Variants in CFAP74 observed in about 807,000 individuals in gnomAD.
CFAP74 encodes cilia- and flagella-associated protein 74.
Under a neutral mutation model 188.9 loss-of-function variants are expected in CFAP74, and 124 were observed. That is an observed-to-expected ratio of 0.66 (90% CI 0.57 to 0.76). CFAP74 has a LOEUF of 0.76. Among genes scored for constraint, CFAP74 ranks in the 30% least tolerant of loss-of-function variants. CFAP74 has a pLI of 0.00. For synonymous variants in CFAP74, 956 were observed against 916.7 expected (o/e 1.04, Z -0.77); for missense variants, 2,198 against 2,165.2 (o/e 1.02, Z -0.30).
At chr1:1,969,249 A>AGCCTT (rs1173000368) in intron 10 of CFAP74, among the ~76,000 whole-genome samples, 2 of 41,622 alleles carry the variant, frequency 4.8e-5, no homozygotes, top group African/African-American at 2.2e-4. Flanking sequence ...AGCCCTGCCC[A>AGCCTT]GCCCTGCCCA....
Position 1,925,846 on chromosome 1 carries a change from A to T in CFAP74, c.4041T>A (p.Ile1347=), listed in dbSNP as rs1651844458. The T allele has an allele frequency of 6.2e-7, 1 of 1,612,584 alleles. No homozygotes were observed. Among genetic ancestry groups the T allele is most frequent in the Non-Finnish European group, 8.5e-7 (1 of 1,179,912 alleles). Residue 1347 remains isoleucine (I), a synonymous_variant, in exon 33 of 39, where the codon ATT becomes ATA. Transcript: ENST00000682832. ...TGVASMITCS[I]EGSVLNMGYV... is the part of the protein sequence containing the mutation. ...AGCCCATGTTGAGGACGCTGCCTTC[A>T]ATGGAGCACGTGATCATGGACGCCA...
At chr1:1,985,616 G>A (rs1279636406) in intron 5 of CFAP74, 126 bp from the exon 6 acceptor site, 2 of 737,844 alleles carry the variant, frequency 2.7e-6, no homozygotes, top group Non-Finnish European at 4.6e-6. Context: ...GGGCCACCTA[G>A]CCAATGGAGC....
intron 25 of CFAP74, among the ~76,000 whole-genome samples, chr1:1,936,232 GAAA>G (rs909189579): frequency 6.2e-4 from 85 of 136,846 alleles, no homozygotes; most frequent in African/African-American, 2.4e-3. Flanking sequence ...AAAAAAAAAA[GAAA>G]AAAAGAAAAG....
chr1:1,949,581 C>A (rs1654079828), intron 18 of CFAP74, among the ~76,000 whole-genome samples: 1 of 151,688 alleles, frequency 6.6e-6, no homozygotes, highest in Non-Finnish European at 1.5e-5. Flanking sequence ...TTGACAGATT[C>A]ATGTGGTTGT....
At chr1:2,002,419 G>A (rs1658250899) in intron 1 of CFAP74, among the ~76,000 whole-genome samples, 1 of 151,100 alleles carries the variant, frequency 6.6e-6, no homozygotes. Context: ...GTGGCTCACC[G>A]CCTGTAATTC....
rs1360298819 is a variant in CFAP74, at chr1:1,932,662, C to T, written c.3012-2326G>A. The stretch of plus-strand genomic sequence containing the variant: ...AGGCTGGAGAGCAGTGGCATGATCT[C>T]GGCTCACTGCAACCTCCGCCTCCCG... On this transcript the variant is annotated intron_variant, in intron 25 of 38. Coordinates refer to ENST00000682832, the MANE Select transcript of CFAP74 (RefSeq NM_001304360.2). 4.0e-5 allele frequency among the ~76,000 whole-genome samples: 6 copies of T among 150,808 alleles called. No individual in the cohort carries two copies. The South Asian group carries it at 6.3e-4, about 16-fold the overall frequency.
intron 1 of CFAP74, among the ~76,000 whole-genome samples, chr1:1,995,111 T>A (rs1275575486): frequency 6.6e-6 from 1 of 152,114 alleles, no homozygotes; most frequent in African/African-American, 2.4e-5. Flanking sequence ...GCAGTGGAAG[T>A]TCCACTGTGG....
chr1:1,947,838 TG>T (rs1403170223), intron 18 of CFAP74, among the ~76,000 whole-genome samples: 4 of 151,886 alleles, frequency 2.6e-5, no homozygotes, highest in African/African-American at 9.7e-5. Flanking sequence ...ACATCATTTC[TG>T]GGGTCTGGAG....
Position 1,923,323 on chromosome 1 carries a change from A to G in CFAP74, c.4522+44T>C. Reference sequence around the variant, plus strand: ...GGGCCCCCATCCACGGGACAGGGGCACCGGGAGGCCCCGTGTCTGTTCCCT... The same window carrying G: ...GGGCCCCCATCCACGGGACAGGGGCGCCGGGAGGCCCCGTGTCTGTTCCCT... On this transcript the variant is annotated intron_variant, in intron 36 of 38. Coordinates refer to ENST00000682832, the MANE Select transcript of CFAP74 (RefSeq NM_001304360.2). The surrounding 1 kb of genome is among the most constrained non-coding windows in gnomAD (Gnocchi z 6.3). The G allele has an allele frequency of 6.5e-7, 1 of 1,532,114 alleles. No individual in the cohort carries two copies. The highest frequency in any genetic ancestry group is 8.8e-7 in the Non-Finnish European group (1 of 1,133,554). 94.9% of individuals were successfully genotyped at this position (1,532,114 alleles called of 1,614,324 possible). A position where few individuals can be genotyped will look rare whatever the true frequency, so the allele number is the denominator to read the frequency against.
chr1:1,966,346 C>G (rs774064416), intron 12 of CFAP74, 25 bp downstream of exon 12: 1 of 1,473,644 alleles, frequency 6.8e-7, no homozygotes, highest in East Asian at 2.6e-5. Flanking sequence ...CGTCTGCAAG[C>G]GTCTAAAGGA....
chr1:1,974,302 C>T (rs536038586), intron 6 of CFAP74, 104 bp from the exon 7 acceptor site: 24 of 1,192,294 alleles, frequency 2.0e-5, no homozygotes, highest in Non-Finnish European at 2.8e-5. Flanking sequence ...ATGTTGAACA[C>T]CCCAGATGGG....
At position 1,926,951 on chromosome 1, in the gene CFAP74, C is replaced by CAGGG. The variant is rs1651953377; in HGVS notation, c.3601_3604dup (p.Cys1202SerfsTer45). Reference sequence around the variant, plus strand: ...TTTGATGTCGCCACTGGCAACAACACAGGGAACTACAAATGTGTCAAACTT... The same window carrying CAGGG: ...TTTGATGTCGCCACTGGCAACAACACAGGGAGGGAACTACAAATGTGTCAAACTT... On this transcript the variant is annotated frameshift_variant, in exon 29 of 39. Transcript: ENST00000682832. LOFTEE classifies it high-confidence loss of function. The CAGGG allele has an allele frequency of 6.5e-7, 1 of 1,550,168 alleles. No individual in the cohort carries two copies. The highest frequency in any genetic ancestry group is 2.0e-5 in the Admixed American group (1 of 50,986).
At chr1:1,958,464 A>G (rs981071979) in intron 16 of CFAP74, among the ~76,000 whole-genome samples, 1 of 151,990 alleles carries the variant, frequency 6.6e-6, no homozygotes, top group Non-Finnish European at 1.5e-5. Flanking sequence ...AGGGCTTCAC[A>G]CTCGCGGCTG....
chr1:1,922,376 G>A lies in CFAP74; in HGVS notation c.4831C>T (p.Leu1611Phe). The A allele has an allele frequency of 6.2e-7, 1 of 1,603,894 alleles. No individual in the cohort carries two copies. Among genetic ancestry groups the A allele is most frequent in the Non-Finnish European group, 8.5e-7 (1 of 1,177,422 alleles). The change falls in exon 39 of 39, where the codon CTC becomes TTC. Residue 1611 changes from leucine (L) to phenylalanine (F), a missense_variant. Coordinates refer to ENST00000682832, the MANE Select transcript of CFAP74 (RefSeq NM_001304360.2). ...AGCTGCAGCAGGGCCGACACCATGA[G>A]TGGGTGGTCTGGCTGGAACAGGAGG... Reference protein sequence around the residue: ...PPADFDPDHPLMVSALLQLRG... With the variant: ...PPADFDPDHPFMVSALLQLRG...
At chr1:1,939,501 G>A (rs1369048531) in intron 24 of CFAP74, 93 bp downstream of exon 24, 17 of 1,272,432 alleles carry the variant, frequency 1.3e-5, no homozygotes, top group African/African-American at 4.4e-5. Flanking sequence ...ACATGCCCAC[G>A]CGTGGGGGAC....
chr1:1,929,217 C>T (rs780585747), intron 26 of CFAP74, among the ~76,000 whole-genome samples: 6 of 148,820 alleles, frequency 4.0e-5, no homozygotes, highest in South Asian at 2.2e-4. Flanking sequence ...TTGAGTTTGA[C>T]GGGCGAGTCC....
rs555308614 is a variant in CFAP74, at chr1:1,922,102, G to C, written c.*185C>G. On this transcript the variant is annotated 3_prime_UTR_variant, in exon 39 of 39. Coordinates refer to ENST00000682832, the MANE Select transcript of CFAP74 (RefSeq NM_001304360.2). The stretch of plus-strand genomic sequence containing the variant: ...TGGGGTCTCAGGAGGGGTGCTCTTG[G>C]ATGTCCCTGGGCTTGCGGGGTCCAG... 5.3e-5 allele frequency: 30 copies of C among 566,214 alleles called. No individual in the cohort carries two copies. In the South Asian group the frequency reaches 6.4e-4, roughly 12 times the overall value. 35.1% of individuals were successfully genotyped at this position (566,214 alleles called of 1,614,324 possible). A position where few individuals can be genotyped will look rare whatever the true frequency, so the allele number is the denominator to read the frequency against.
Position 1,938,920 on chromosome 1 carries a change from C to A in CFAP74, c.2946G>T (p.Val982=). ...CCTCGGCCTTGGTGGGCTGGAAGAT[C>A]ACACAGAACTGCAGCGTTTCCAGGG... ...ILPLETLQFC[V]IFQPTKAEEH... is the part of the protein sequence containing the mutation. Residue 982 remains valine, a synonymous_variant, in exon 25 of 39, where the codon GTG becomes GTT. Coordinates refer to ENST00000682832, the MANE Select transcript of CFAP74 (RefSeq NM_001304360.2). The A allele has an allele frequency of 5.2e-6, 8 of 1,536,164 alleles. No individual in the cohort carries two copies. The highest frequency in any genetic ancestry group is 7.0e-6 in the Non-Finnish European group (8 of 1,146,912).
chr1:1,933,463 A>C (rs950277820), intron 25 of CFAP74, among the ~76,000 whole-genome samples: 2 of 152,200 alleles, frequency 1.3e-5, no homozygotes, highest in African/African-American at 4.8e-5. Context: ...TACAGGCGTG[A>C]GCCACCGCAC....
Sources: gnomAD v4.1 joint callset for allele counts (sites outside exome capture counted in the v4.1 genomes callset) on GRCh38, gnomAD v4.1.1 for gene constraint, Gnocchi (gnomAD v3.1) non-coding constraint, MANE v1.5 for transcripts, NCBI Gene and HGNC (gene_info 2026-07-23, HGNC 2026-07-21) for gene names.